The following OSR2 variants were observed in gnomAD, a reference collection of about 807,000 sequenced individuals.
OSR2 encodes protein odd-skipped-related 2.
Under a neutral mutation model 22.3 loss-of-function variants are expected in OSR2, and 8 were observed. The observed-to-expected ratio is 0.36, with a 90% CI of 0.21 to 0.65. The LOEUF (loss-of-function observed/expected upper bound fraction) is 0.65, where lower values mean the gene tolerates loss of function less well. OSR2 is among the 30% of genes least tolerant of loss of function. OSR2 has a pLI of 0.66. For missense variants in OSR2, 311 were observed against 413.4 expected, an observed-to-expected ratio of 0.75 and a Z score of 2.15; for synonymous variants, 179 against 173.8, an observed-to-expected ratio of 1.03 and a Z score of -0.23.
chr8:98,948,248 C>T lies in OSR2; in HGVS notation c.-114-591C>T, dbSNP rs1239922007. 8.0e-6 allele frequency: 12 copies of T among 1,495,222 alleles called. No homozygotes were observed. The highest frequency in any genetic ancestry group is 4.4e-5 in the Admixed American group (2 of 45,620). The allele number at this position is 1,495,222 out of a possible 1,614,324, so 92.6% of individuals were successfully genotyped here. A position where few individuals can be genotyped will look rare whatever the true frequency, so the allele number is the denominator to read the frequency against. On this transcript the variant is annotated intron_variant, in intron 1 of 3. Transcript: ENST00000297565. The surrounding 1 kb of genome is among the most constrained non-coding windows in gnomAD (Gnocchi z 6.0). ...GGGCGAGGTGAGCCCCTCCCAGGGC[C>T]CTCTGGCCCAGGAGGATGAAGCGCG...
rs1223825904 is a variant in OSR2, at chr8:98,948,752, G to A, written c.-114-87G>A. On this transcript the variant is annotated intron_variant, in intron 1 of 3. Transcript: ENST00000297565. This position sits in a 1 kb window ranked among gnomAD's most constrained non-coding sequence, Gnocchi z 6.0. ...GTCGGGTGGGGAGGGAGACTTAGGT[G>A]TGGTAACCTGCGCAGGTGCCAAAGG... The A allele has an allele frequency of 2.8e-6, 4 of 1,408,630 alleles. No individual in the cohort carries two copies. The African/African-American group carries it at 5.8e-5, about 20-fold the overall frequency. 87.3% of individuals were successfully genotyped at this position (1,408,630 alleles called of 1,614,324 possible).
rs1280203068 is a variant in OSR2, at chr8:98,948,806, A to G, written c.-114-33A>G. ...GAAGGAGCAGCCTTGGATTATAGTC[A>G]CGGTCTCTCCCTCTCTTCCCTGCCA... On this transcript the variant is annotated intron_variant, in intron 1 of 3. Transcript: ENST00000297565. The surrounding 1 kb of genome is among the most constrained non-coding windows in gnomAD (Gnocchi z 6.0). 2 of 1,517,124 alleles carry G rather than the reference A, an allele frequency of 1.3e-6. No individual in the cohort carries two copies. Among genetic ancestry groups the G allele is most frequent in the Admixed American group, 4.0e-5 (2 of 49,876 alleles). 94.0% of individuals were successfully genotyped at this position (1,517,124 alleles called of 1,614,324 possible). A position where few individuals can be genotyped will look rare whatever the true frequency, so the allele number is the denominator to read the frequency against.
chr8:98,944,922 T>A (rs1840560269), intron 1 of OSR2, 99 bp downstream of exon 1: 1 of 152,172 alleles, frequency 6.6e-6, no homozygotes, highest in Non-Finnish European at 1.5e-5. Context: ...GTGCCCCAAA[T>A]TCAGATGTGA....
At chr8:98,947,734 G>A (rs1373512490) in intron 1 of OSR2, among the ~76,000 whole-genome samples, 1 of 152,040 alleles carries the variant, frequency 6.6e-6, no homozygotes, top group African/African-American at 2.4e-5. Flanking sequence ...GACCGCAGCC[G>A]CACTCACCTC....
At position 98,951,552 on chromosome 8, in the gene OSR2, A is replaced by G; in HGVS notation, c.790A>G (p.Thr264Ala). ...ACACAAATGTCCCACATGTGGAAGA[A>G]CCTTTAATCAGAGAAGTAATCTGAA... ...SPHKCPTCGR[T>A]FNQRSNLKTH... is the part of the protein sequence containing the mutation. The change falls in exon 4 of 4, where the codon ACC becomes GCC. Residue 264 changes from threonine (T) to alanine (A), a missense_variant. This residue lies in a region of OSR2 where 70 missense variants were observed against 84.5 expected (regional missense o/e 0.83). Coordinates refer to ENST00000297565, the MANE Select transcript of OSR2 (RefSeq NM_001142462.3). The G allele has an allele frequency of 6.2e-7, 1 of 1,608,276 alleles. No homozygotes were observed. The highest frequency in any genetic ancestry group is 2.2e-5 in the East Asian group (1 of 44,654).
In OSR2 at chr8:98,948,067, CG is replaced by C; in HGVS notation, c.-114-767del. The C allele has an allele frequency of 3.1e-6, 4 of 1,288,486 alleles. No homozygotes were observed. The highest frequency in any genetic ancestry group is 4.0e-6 in the Non-Finnish European group (4 of 1,005,514). 79.8% of individuals were successfully genotyped at this position (1,288,486 alleles called of 1,614,324 possible). On this transcript the variant is annotated intron_variant, in intron 1 of 3. Coordinates refer to ENST00000297565, the MANE Select transcript of OSR2 (RefSeq NM_001142462.3). The surrounding 1 kb of genome is among the most constrained non-coding windows in gnomAD (Gnocchi z 6.0). Reference sequence around the variant, plus strand: ...TGAACCATCTGGAAGGGATCTTAGTCGGGGGTTGGGAGGAGAGCCCGTGGAT... The same window carrying C: ...TGAACCATCTGGAAGGGATCTTAGTCGGGGTTGGGAGGAGAGCCCGTGGAT...
At position 98,949,817 on chromosome 8, in the gene OSR2, G is replaced by A. The variant is rs770191972; in HGVS notation, c.656+209G>A. Among the ~76,000 whole-genome samples the A allele has an allele frequency of 6.6e-6, 1 of 152,178 alleles. No individual in the cohort carries two copies. The highest frequency in any genetic ancestry group is 2.4e-5 in the African/African-American group (1 of 41,438). ...TGCTACGTTCTTGTTTGGAATGAGG[G>A]AGGGCCTTTCCTCAGTCTTGGACAG... On this transcript the variant is annotated intron_variant, in intron 2 of 3. Coordinates refer to ENST00000297565, the MANE Select transcript of OSR2 (RefSeq NM_001142462.3). The surrounding 1 kb of genome is among the most constrained non-coding windows in gnomAD (Gnocchi z 5.9).
Position 98,948,864 on chromosome 8 carries a change from A to C in OSR2, c.-89A>C. The C allele has an allele frequency of 1.9e-6, 3 of 1,609,732 alleles. No individual in the cohort carries two copies. The South Asian group carries it at 3.3e-5, about 18-fold the overall frequency. On this transcript the variant is annotated 5_prime_UTR_variant, in exon 2 of 4. Transcript: ENST00000297565. This position sits in a 1 kb window ranked among gnomAD's most constrained non-coding sequence, Gnocchi z 6.0. ...GGCTTTCTCTACGTGCTGTTGTCTC[A>C]CTGGGTTTTTGTCGGAGCCCCACGC... is the stretch of plus-strand genomic sequence containing the variant.
chr8:98,948,967 T>A lies in OSR2; in HGVS notation c.15T>A (p.Ala5=). 3 of 1,613,908 alleles carry A rather than the reference T, an allele frequency of 1.9e-6. No individual in the cohort carries two copies. Among genetic ancestry groups the A allele is most frequent in the Non-Finnish European group, 2.5e-6 (3 of 1,179,884 alleles). The change falls in exon 2 of 4, where the codon GCT becomes GCA. Residue 5 remains alanine, a synonymous_variant. Coordinates refer to ENST00000297565, the MANE Select transcript of OSR2 (RefSeq NM_001142462.3). This position sits in a 1 kb window ranked among gnomAD's most constrained non-coding sequence, Gnocchi z 6.0. The stretch of plus-strand genomic sequence containing the variant: ...CATCCCGGAAAATGGGGAGCAAGGC[T>A]CTGCCAGCGCCCATCCCGCTCCACC... MGSK[A]LPAPIPLHPS...
Position 98,948,453 on chromosome 8 carries a change from G to T in OSR2, c.-114-386G>T, listed in dbSNP as rs1403375685. ...CCCGGCCTGCTAGCATTGGCATTGC[G>T]GTTGACTGAGCTTCGCCTAACAGGC... On this transcript the variant is annotated intron_variant, in intron 1 of 3. Transcript: ENST00000297565. The surrounding 1 kb of genome is among the most constrained non-coding windows in gnomAD (Gnocchi z 6.0). 4 of 1,117,940 alleles carry T rather than the reference G, an allele frequency of 3.6e-6. No homozygotes were observed. In the East Asian group the frequency reaches 2.8e-4, roughly 78 times the overall value. 69.3% of individuals were successfully genotyped at this position (1,117,940 alleles called of 1,614,324 possible). A position where few individuals can be genotyped will look rare whatever the true frequency, so the allele number is the denominator to read the frequency against.
chr8:98,949,536 C>T lies in OSR2; in HGVS notation c.584C>T (p.Thr195Met). 6.2e-7 allele frequency: 1 copy of T among 1,614,188 alleles called. No homozygotes were observed. Among genetic ancestry groups the T allele is most frequent in the Non-Finnish European group, 8.5e-7 (1 of 1,180,010 alleles). Residue 195 changes from threonine to methionine, a missense_variant, in exon 2 of 4, where the codon ACG becomes ATG. Coordinates refer to ENST00000297565, the MANE Select transcript of OSR2 (RefSeq NM_001142462.3). The surrounding 1 kb of genome is among the most constrained non-coding windows in gnomAD (Gnocchi z 5.9). ...YNLLIHERTHTDERPYTCDIC... is the reference protein window; with the variant it reads ...YNLLIHERTHMDERPYTCDIC... ...TTGCTCATCCATGAGAGGACCCACA[C>T]GGACGAGAGGCCGTACACGTGTGAC... is the stretch of plus-strand genomic sequence containing the variant.
At chr8:98,947,612 A>T (rs1182384314) in intron 1 of OSR2, among the ~76,000 whole-genome samples, 1 of 152,180 alleles carries the variant, frequency 6.6e-6, no homozygotes, top group Non-Finnish European at 1.5e-5. Context: ...CTGTGAATGT[A>T]GGTGAGGTGA....
At position 98,948,749 on chromosome 8, in the gene OSR2, G is replaced by A; in HGVS notation, c.-114-90G>A. 7.2e-7 allele frequency: 1 copy of A among 1,394,466 alleles called. No individual in the cohort carries two copies. The highest frequency in any genetic ancestry group is 9.5e-7 in the Non-Finnish European group (1 of 1,053,454). 86.4% of individuals were successfully genotyped at this position (1,394,466 alleles called of 1,614,324 possible). A position where few individuals can be genotyped will look rare whatever the true frequency, so the allele number is the denominator to read the frequency against. Reference sequence around the variant, plus strand: ...GGAGTCGGGTGGGGAGGGAGACTTAGGTGTGGTAACCTGCGCAGGTGCCAA... The same window carrying A: ...GGAGTCGGGTGGGGAGGGAGACTTAAGTGTGGTAACCTGCGCAGGTGCCAA... On this transcript the variant is annotated intron_variant, in intron 1 of 3. Coordinates refer to ENST00000297565, the MANE Select transcript of OSR2 (RefSeq NM_001142462.3). This position sits in a 1 kb window ranked among gnomAD's most constrained non-coding sequence, Gnocchi z 6.0.
At position 98,944,762 on chromosome 8, in the gene OSR2, GTGCGCC is replaced by G. The variant is rs1660862735; in HGVS notation, c.-174_-169del. ...GTGGACTCAATGACCTTTCCAAGCT[GTGCGCC>G]TCGCTGCCTGGACCGGGTCTGAGCG... On this transcript the variant is annotated 5_prime_UTR_variant, in exon 1 of 4. Coordinates refer to ENST00000297565, the MANE Select transcript of OSR2 (RefSeq NM_001142462.3). 6.6e-6 allele frequency: 1 copy of G among 152,290 alleles called. No homozygotes were observed. The highest frequency in any genetic ancestry group is 2.4e-5 in the African/African-American group (1 of 41,460). 9.4% of individuals were successfully genotyped at this position (152,290 alleles called of 1,614,324 possible).
chr8:98,946,203 C>T (rs1466429701), intron 1 of OSR2: 1 of 152,188 alleles, frequency 6.6e-6, no homozygotes, highest in Non-Finnish European at 1.5e-5. Context: ...AAGTTTCTTT[C>T]CTTGCAAGAT....
chr8:98,948,272 C>G lies in OSR2; in HGVS notation c.-114-567C>G. 6.6e-7 allele frequency: 1 copy of G among 1,513,598 alleles called. No homozygotes were observed. Among genetic ancestry groups the G allele is most frequent in the Non-Finnish European group, 8.8e-7 (1 of 1,133,588 alleles). The allele number at this position is 1,513,598 out of a possible 1,614,324, so 93.8% of individuals were successfully genotyped here. On this transcript the variant is annotated intron_variant, in intron 1 of 3. Coordinates refer to ENST00000297565, the MANE Select transcript of OSR2 (RefSeq NM_001142462.3). This position sits in a 1 kb window ranked among gnomAD's most constrained non-coding sequence, Gnocchi z 6.0. Reference sequence around the variant, plus strand: ...CCCTCTGGCCCAGGAGGATGAAGCGCGCCGGCTTCGCTCTTGCACGCCGGC... The same window carrying G: ...CCCTCTGGCCCAGGAGGATGAAGCGGGCCGGCTTCGCTCTTGCACGCCGGC...
Position 98,948,144 on chromosome 8 carries a change from T to C in OSR2, c.-114-695T>C, listed in dbSNP as rs1340731276. The C allele has an allele frequency of 6.5e-6, 9 of 1,383,978 alleles. No homozygotes were observed. The East Asian group carries it at 1.4e-4, about 22-fold the overall frequency. 85.7% of individuals were successfully genotyped at this position (1,383,978 alleles called of 1,614,324 possible). A position where few individuals can be genotyped will look rare whatever the true frequency, so the allele number is the denominator to read the frequency against. On this transcript the variant is annotated intron_variant, in intron 1 of 3. Transcript: ENST00000297565. This position sits in a 1 kb window ranked among gnomAD's most constrained non-coding sequence, Gnocchi z 6.0. Reference sequence around the variant, plus strand: ...AATCCAGCCCCTGAGGTGTCACTTTTCTTTCCTGCGGCCCGTCACCGCTGA... The same window carrying C: ...AATCCAGCCCCTGAGGTGTCACTTTCCTTTCCTGCGGCCCGTCACCGCTGA...
chr8:98,945,223 C>T (rs1840571753), intron 1 of OSR2, among the ~76,000 whole-genome samples: 1 of 152,222 alleles, frequency 6.6e-6, no homozygotes, highest in South Asian at 2.1e-4. Flanking sequence ...CCCGGACACC[C>T]GGTGCCTGCC....
chr8:98,946,648 A>G (rs1587887641), intron 1 of OSR2, among the ~76,000 whole-genome samples: 1 of 152,290 alleles, frequency 6.6e-6, no homozygotes, highest in Admixed American at 6.5e-5. Context: ...GGGAAAGAAG[A>G]TGGCACTCAA....
Sources: allele counts gnomAD v4.1 joint callset (sites outside exome capture counted in the v4.1 genomes callset), GRCh38; gene constraint gnomAD v4.1.1; regional missense constraint gnomAD v4.1.1; non-coding constraint Gnocchi (gnomAD v3.1); transcripts MANE v1.5; gene names NCBI Gene and HGNC (gene_info 2026-07-23, HGNC 2026-07-21).